Variants in SCAPER observed in about 807,000 individuals in gnomAD.
SCAPER encodes S phase cyclin A-associated protein in the endoplasmic reticulum.
A neutral mutation model predicts 182.2 loss-of-function variants in SCAPER; 98 were observed. The observed-to-expected ratio is 0.54, with a 90% CI of 0.46 to 0.64. SCAPER has a LOEUF of 0.64. Ranked by LOEUF, SCAPER falls within the 30% of genes least tolerant of loss-of-function variation. The pLI is 0.00. For synonymous variants in SCAPER, 605 were observed against 564.6 expected, an observed-to-expected ratio of 1.07 and a Z score of -1.01; for missense variants, 1,432 against 1,690.0, an observed-to-expected ratio of 0.85 and a Z score of 2.68.
intron 26 of SCAPER, among the ~76,000 whole-genome samples, chr15:76,433,153 G>A (rs536783100): frequency 6.6e-6 from 1 of 152,282 alleles, no homozygotes; most frequent in Non-Finnish European, 1.5e-5. Context: ...CAGTTGGAAA[G>A]AGTTGACATC....
At chr15:76,592,326 C>T (rs1383513083) in intron 22 of SCAPER, among the ~76,000 whole-genome samples, 1 of 69,892 alleles carries the variant, frequency 1.4e-5, no homozygotes, top group African/African-American at 3.1e-5. Flanking sequence ...AACTACAGCC[C>T]ACAGCCCACT....
chr15:76,608,550 A>C (rs1052127423), intron 22 of SCAPER, among the ~76,000 whole-genome samples: 4 of 152,130 alleles, frequency 2.6e-5, no homozygotes, highest in African/African-American at 9.7e-5. Flanking sequence ...AAGCTGCCAG[A>C]GAGGGACATT....
At chr15:76,359,993 C>A (rs955571474) in intron 29 of SCAPER, among the ~76,000 whole-genome samples, 4 of 152,156 alleles carry the variant, frequency 2.6e-5, no homozygotes, top group Non-Finnish European at 5.9e-5. Flanking sequence ...TCAATGGTGT[C>A]TACATCACCT....
intron 24 of SCAPER, among the ~76,000 whole-genome samples, chr15:76,495,783 A>G (rs1387758453): frequency 1.3e-5 from 2 of 152,078 alleles, no homozygotes; most frequent in African/African-American, 4.8e-5. Context: ...CATTCTGTTC[A>G]GCACAGTAAA....
intron 21 of SCAPER, among the ~76,000 whole-genome samples, chr15:76,655,576 C>T (rs769000748): frequency 3.9e-5 from 6 of 152,246 alleles, no homozygotes; most frequent in Non-Finnish European, 5.9e-5. Flanking sequence ...CAACTATGTG[C>T]AAGACATACA....
At chr15:76,694,159 T>C (rs908216269) in intron 20 of SCAPER, among the ~76,000 whole-genome samples, 3 of 152,074 alleles carry the variant, frequency 2.0e-5, no homozygotes, top group East Asian at 1.9e-4. Context: ...GGGGATTACA[T>C]TGAATCTATA....
At chr15:76,803,983 T>C (rs892679499) in intron 6 of SCAPER, among the ~76,000 whole-genome samples, 6 of 152,238 alleles carry the variant, frequency 3.9e-5, no homozygotes, top group African/African-American at 1.4e-4. Context: ...TGATCTCGTA[T>C]TATTCCCCTA....
chr15:76,799,694 G>A (rs556727587), intron 7 of SCAPER, among the ~76,000 whole-genome samples: 158 of 152,170 alleles, frequency 1.0e-3, no homozygotes, highest in African/African-American at 3.8e-3. Flanking sequence ...AACTGCCCAC[G>A]ACGGCCCAGG....
At position 76,714,947 on chromosome 15, in the gene SCAPER, T is replaced by TA. The variant is rs148374089; in HGVS notation, c.2166-8964dup. ...AAATTTTATAGAATTATTTCCATAT[T>TA]AAAAAAAACACATAAAAAGCACTTG... On this transcript the variant is annotated intron_variant, in intron 17 of 31. Coordinates refer to ENST00000563290, the MANE Select transcript of SCAPER (RefSeq NM_020843.4). Among the ~76,000 whole-genome samples the TA allele has an allele frequency of 8.3e-3, 1,258 of 151,818 alleles. 13 individuals are homozygous for TA. The highest frequency in any genetic ancestry group is 0.028 in the African/African-American group (1,175 of 41,358).
intron 22 of SCAPER, among the ~76,000 whole-genome samples, chr15:76,620,051 G>T (rs2051876948): frequency 6.6e-6 from 1 of 152,098 alleles, no homozygotes; most frequent in Admixed American, 6.6e-5. Flanking sequence ...CTTCCAGACT[G>T]GGCGACAGAG....
intron 3 of SCAPER, among the ~76,000 whole-genome samples, chr15:76,858,461 CT>C (rs796171889): frequency 5.8e-4 from 87 of 149,112 alleles, no homozygotes; most frequent in Admixed American, 1.1e-3. Flanking sequence ...AAATAAAATT[CT>C]TTTTTTTTTC....
chr15:76,699,911 CCAGTAGCAGCATGGTGG>C, intron 20 of SCAPER, among the ~76,000 whole-genome samples: 1 of 152,294 alleles, frequency 6.6e-6, no homozygotes, highest in East Asian at 1.9e-4. Flanking sequence ...TGCACCGGTG[CCAGTAGCAGCATGGTGG>C]CAAAGTCCAT....
chr15:76,810,254 A>C (rs1228010874), intron 5 of SCAPER, among the ~76,000 whole-genome samples: 1 of 152,106 alleles, frequency 6.6e-6, no homozygotes, highest in Non-Finnish European at 1.5e-5. Context: ...CCTATTATAA[A>C]AGATAAGAGA....
intron 26 of SCAPER, among the ~76,000 whole-genome samples, chr15:76,411,673 T>A (rs191010707): frequency 1.3e-5 from 2 of 152,284 alleles, no homozygotes; most frequent in East Asian, 3.9e-4. Context: ...ATAGAATAGA[T>A]GTGTTTAAAT....
chr15:76,866,242 A>AGTGTGT (rs375451190), intron 2 of SCAPER, among the ~76,000 whole-genome samples: 20 of 150,824 alleles, frequency 1.3e-4, no homozygotes, highest in African/African-American at 4.6e-4. Flanking sequence ...AGAGACACTG[A>AGTGTGT]GTGTGTGTGT....
intron 23 of SCAPER, among the ~76,000 whole-genome samples, chr15:76,558,281 A>C (rs999236335): frequency 6.6e-6 from 1 of 152,228 alleles, no homozygotes; most frequent in African/African-American, 2.4e-5. Context: ...AGGATCTATA[A>C]GGAACTTAAC....
At chr15:76,456,608 G>A (rs1376057605) in intron 25 of SCAPER, among the ~76,000 whole-genome samples, 1 of 152,184 alleles carries the variant, frequency 6.6e-6, no homozygotes, top group African/African-American at 2.4e-5. Flanking sequence ...TTAGGTCAAA[G>A]TGGTTGATAA....
At chr15:76,700,423 C>T (rs1381371956) in intron 20 of SCAPER, among the ~76,000 whole-genome samples, 8 of 152,298 alleles carry the variant, frequency 5.3e-5, no homozygotes, top group South Asian at 4.1e-4. Flanking sequence ...TCCAGAGGTC[C>T]GTGGTGAGAG....
At chr15:76,680,411 GATAATAATAATAATAATAATA>G (rs10569185) in intron 20 of SCAPER, among the ~76,000 whole-genome samples, 4 of 142,592 alleles carry the variant, frequency 2.8e-5, no homozygotes, top group Admixed American at 7.0e-5. Context: ...TGATGATGAT[GATAATAATAATAATAATAATA>G]ATAATAATAA....
Sources: allele counts gnomAD v4.1 joint callset (sites outside exome capture counted in the v4.1 genomes callset), GRCh38; gene constraint gnomAD v4.1.1; transcripts MANE v1.5; gene names NCBI Gene and HGNC (gene_info 2026-07-23, HGNC 2026-07-21).